TRAF1: variants seen among roughly 807,000 people sequenced by gnomAD.
The protein encoded by TRAF1 is TNF receptor associated factor 1.
TRAF1 carries 23 observed loss-of-function variants against 40.9 expected under a neutral mutation model. That is an observed-to-expected ratio of 0.56 (90% confidence interval 0.40 to 0.80). TRAF1 has a LOEUF of 0.80. TRAF1 is among the 30% of genes least tolerant of loss of function. The probability of loss-of-function intolerance (pLI) is 0.00; values close to 1 mark genes in which losing one functional copy is unlikely to be tolerated. For synonymous variants in TRAF1, 206 were observed against 218.8 expected (o/e 0.94, Z 0.52); for missense variants, 477 against 528.7 (o/e 0.90, Z 0.96).
At chr9:120,914,178 A>G in intron 4 of TRAF1, 57 bp downstream of exon 4, 6 of 1,381,768 alleles carry the variant, frequency 4.3e-6, no homozygotes, top group Non-Finnish European at 4.8e-6. Context: ...CAGTGGGGAG[A>G]CCTGGAGGTC....
At chr9:120,924,495 A>G (rs2046625843) in intron 2 of TRAF1, among the ~76,000 whole-genome samples, 1 of 152,018 alleles carries the variant, frequency 6.6e-6, no homozygotes, top group African/African-American at 2.4e-5. Flanking sequence ...GCTCACTGCA[A>G]CCTCTGCCTC....
intron 7 of TRAF1, among the ~76,000 whole-genome samples, chr9:120,906,179 T>TG: frequency 1.9e-5 from 2 of 105,428 alleles, no homozygotes; most frequent in Admixed American, 1.1e-4. Flanking sequence ...GTGTGTTTTT[T>TG]TTTTTTTTTT....
At chr9:120,919,884 A>G (rs2046593833) in intron 3 of TRAF1, among the ~76,000 whole-genome samples, 1 of 152,168 alleles carries the variant, frequency 6.6e-6, no homozygotes, top group Non-Finnish European at 1.5e-5. Context: ...AGCATAGAGA[A>G]GATGCCACCA....
In TRAF1 at chr9:120,904,161, C is replaced by T. The variant is rs2046461378; in HGVS notation, c.*859G>A. ...TCTTCTTGAGGTGCCTCTGGCTGCA[C>T]CTGGGAGCTCACAGTGACTGGGTTT... On this transcript the variant is annotated 3_prime_UTR_variant, in exon 8 of 8. Coordinates refer to ENST00000373887, the MANE Select transcript of TRAF1 (RefSeq NM_005658.5). 1 of 152,140 alleles carries T rather than the reference C, an allele frequency of 6.6e-6. No homozygotes were observed. The highest frequency in any genetic ancestry group is 6.6e-5 in the Admixed American group (1 of 15,264). The allele number at this position is 152,140 out of a possible 1,614,324, so 9.4% of individuals were successfully genotyped here. A position where few individuals can be genotyped will look rare whatever the true frequency, so the allele number is the denominator to read the frequency against.
At chr9:120,913,245 G>T in intron 5 of TRAF1, 83 bp downstream of exon 5, 1 of 1,469,090 alleles carries the variant, frequency 6.8e-7, no homozygotes, top group East Asian at 2.4e-5. Context: ...CAGGATGAAT[G>T]ATTAGGAGGA....
rs2046454333 is a variant in TRAF1, at chr9:120,903,382, C to A, written c.*1638G>T. 6.6e-6 allele frequency: 1 copy of A among 152,256 alleles called. No homozygotes were observed. The allele number at this position is 152,256 out of a possible 1,614,324, so 9.4% of individuals were successfully genotyped here. ...CTGAAGGACTAAGCATGACAGGATG[C>A]CAGGCTTAGAGCCCAGCTGGCCTGG... On this transcript the variant is annotated 3_prime_UTR_variant, in exon 8 of 8. Transcript: ENST00000373887.
At chr9:120,923,892 T>C (rs887507371) in intron 2 of TRAF1, 100 bp from the exon 3 acceptor site, 3 of 1,072,326 alleles carry the variant, frequency 2.8e-6, no homozygotes, top group Non-Finnish European at 4.3e-6. Context: ...AGCAGGGTGG[T>C]GATCATGTAC....
chr9:120,923,932 A>G, intron 2 of TRAF1, 140 bp from the exon 3 acceptor site: 1 of 814,262 alleles, frequency 1.2e-6, no homozygotes, highest in South Asian at 1.5e-5. Flanking sequence ...CAGTTCCTAA[A>G]TCGCAAAACT....
chr9:120,925,668 C>G (rs2046634266), intron 2 of TRAF1, among the ~76,000 whole-genome samples: 2 of 152,270 alleles, frequency 1.3e-5, no homozygotes, highest in South Asian at 2.1e-4. Flanking sequence ...CCAGACCACA[C>G]AGTGAGACAG....
At chr9:120,917,752 A>T (rs911664378) in intron 3 of TRAF1, among the ~76,000 whole-genome samples, 1 of 151,748 alleles carries the variant, frequency 6.6e-6, no homozygotes, top group African/African-American at 2.4e-5. Flanking sequence ...CTTCTCTCTG[A>T]CCCTCATCTC....
At chr9:120,921,291 C>T (rs2269060) in intron 3 of TRAF1, among the ~76,000 whole-genome samples, 78,725 of 151,550 alleles carry the variant, frequency 0.52, 21,045 homozygotes, top group South Asian at 0.69. Flanking sequence ...CCCAGAACCT[C>T]TTAGGGGCTC....
rs755367026 is a variant in TRAF1 at position 120,925,904 on chromosome 9, T to G, written c.140+32A>C. On this transcript the variant is annotated intron_variant, in intron 2 of 7. Coordinates refer to ENST00000373887, the MANE Select transcript of TRAF1 (RefSeq NM_005658.5). ...AGGGGTCCCTCCCTGGCACCCACTT[T>G]CTGCCCACCCTCCGCTCCTCCATCA... The G allele has an allele frequency of 2.5e-6, 4 of 1,612,936 alleles. No individual in the cohort carries two copies. In the East Asian group the frequency reaches 8.9e-5, roughly 36 times the overall value.
rs2046461010 is a variant in TRAF1, at chr9:120,904,127, T to A, written c.*893A>T. On this transcript the variant is annotated 3_prime_UTR_variant, in exon 8 of 8. Coordinates refer to ENST00000373887, the MANE Select transcript of TRAF1 (RefSeq NM_005658.5). ...CTCTAGGCAGGAAGAGGAAAGTTTATGCCCCTCTTCTTCTTGAGGTGCCTC... is the reference window on the plus strand; with the variant it reads ...CTCTAGGCAGGAAGAGGAAAGTTTAAGCCCCTCTTCTTCTTGAGGTGCCTC... 6.6e-6 allele frequency: 1 copy of A among 152,244 alleles called. No homozygotes were observed. Among genetic ancestry groups the A allele is most frequent in the Non-Finnish European group, 1.5e-5 (1 of 68,074 alleles). 9.4% of individuals were successfully genotyped at this position (152,244 alleles called of 1,614,324 possible).
intron 3 of TRAF1, among the ~76,000 whole-genome samples, chr9:120,919,069 G>A (rs1005100455): frequency 6.6e-6 from 1 of 152,158 alleles, no homozygotes; most frequent in Non-Finnish European, 1.5e-5. Context: ...TGCCTGGGGT[G>A]GCCTCACTCA....
Position 120,911,349 on chromosome 9 carries a change from G to T in TRAF1, c.870C>A (p.Ser290Arg). Residue 290 changes from serine to arginine, a missense_variant, in exon 6 of 8, where the codon AGC becomes AGA. Physicochemically the swap from Ser to Arg is moderately radical, Grantham distance 110. Transcript: ENST00000373887. Reference sequence around the variant, plus strand: ...GGGAGGTGTTACCTGGGGAGAAGAGGCTGACGGTCCTGCCACAGGCCGACT... The same window carrying T: ...GGGAGGTGTTACCTGGGGAGAAGAGTCTGACGGTCCTGCCACAGGCCGACT... ...CHESACGRTV[S>R]LFSPAFYTAK... The T allele has an allele frequency of 6.2e-7, 1 of 1,613,242 alleles. No individual in the cohort carries two copies. Among genetic ancestry groups the T allele is most frequent in the Non-Finnish European group, 8.5e-7 (1 of 1,179,866 alleles).
intron 5 of TRAF1, among the ~76,000 whole-genome samples, chr9:120,912,054 A>G (rs144781382): frequency 2.6e-5 from 4 of 152,320 alleles, no homozygotes; most frequent in East Asian, 1.9e-4. Context: ...GCTTTCCCCA[A>G]TAAAATGGAA....
At position 120,926,011 on chromosome 9, in the gene TRAF1, C is replaced by T. The variant is rs2046638019; in HGVS notation, c.65G>A (p.Cys22Tyr). Residue 22 changes from cysteine to tyrosine, a missense_variant, in exon 2 of 8, where the codon TGC becomes TAC. Cys to Tyr is a radical substitution (Grantham distance 194). Transcript: ENST00000373887. ...TGGGTCCTGGCAGACGGTGGGAGGG[C>T]ACCCAAAGGGAAACTCATTCTCATC... is the stretch of plus-strand genomic sequence containing the variant. Reference protein sequence around the residue: ...APDENEFPFGCPPTVCQDPKE... With the variant: ...APDENEFPFGYPPTVCQDPKE... 1 of 1,612,874 alleles carries T rather than the reference C, an allele frequency of 6.2e-7. No homozygotes were observed. The highest frequency in any genetic ancestry group is 2.2e-5 in the East Asian group (1 of 44,802).
chr9:120,926,135 C>G lies in TRAF1; in HGVS notation c.-60G>C, dbSNP rs1198123897. ...AGTTGCTCCAGGGCAGGGGACCAGC[C>G]TTGTGGAGTCCTGGCCTGGGCCTCA... On this transcript the variant is annotated 5_prime_UTR_variant, in exon 2 of 8. Transcript: ENST00000373887. 2 of 1,472,016 alleles carry G rather than the reference C, an allele frequency of 1.4e-6. No individual in the cohort carries two copies. Among genetic ancestry groups the G allele is most frequent in the African/African-American group, 2.8e-5 (2 of 70,464 alleles). 91.2% of individuals were successfully genotyped at this position (1,472,016 alleles called of 1,614,324 possible). A position where few individuals can be genotyped will look rare whatever the true frequency, so the allele number is the denominator to read the frequency against.
At chr9:120,926,337 G>C in intron 1 of TRAF1, 36 bp from the exon 2 acceptor site, 1 of 306,968 alleles carries the variant, frequency 3.3e-6, no homozygotes, top group Non-Finnish European at 5.9e-6. Flanking sequence ...TTTTTTTTTA[G>C]AGTGAGAAAA....
Sources: gnomAD v4.1 joint callset for allele counts (sites outside exome capture counted in the v4.1 genomes callset) on GRCh38, gnomAD v4.1.1 for gene constraint, MANE v1.5 for transcripts, NCBI Gene and HGNC (gene_info 2026-07-23, HGNC 2026-07-21) for gene names.